Variants in ANGPT1 observed in about 807,000 individuals in gnomAD.
The protein encoded by ANGPT1 is angiopoietin-1.
A neutral mutation model predicts 62.2 loss-of-function variants in ANGPT1; 17 were observed. That is an observed-to-expected ratio of 0.27 (90% CI 0.19 to 0.41). The LOEUF (loss-of-function observed/expected upper bound fraction) is 0.41, where lower values mean the gene tolerates loss of function less well. Among genes scored for constraint, ANGPT1 ranks in the 10% least tolerant of loss-of-function variants. The pLI, the probability that ANGPT1 is intolerant of heterozygous loss-of-function variation, is 1.00. For synonymous variants in ANGPT1, 199 were observed against 198.9 expected (o/e 1.00, Z 0.00); for missense variants, 478 against 594.9 (o/e 0.80, Z 2.04).
In ANGPT1 at chr8:107,315,392, C is replaced by T. The variant is rs1468237888; in HGVS notation, c.808+6504G>A. On this transcript the variant is annotated intron_variant, in intron 4 of 8. Transcript: ENST00000517746. ...AAGTTGTTATCTGTCCTTTCACATTCAAGTTTCTTGAATGCAGGTATATAA... is the reference window on the plus strand; with the variant it reads ...AAGTTGTTATCTGTCCTTTCACATTTAAGTTTCTTGAATGCAGGTATATAA... 2.0e-5 allele frequency among the ~76,000 whole-genome samples: 3 copies of T among 152,074 alleles called. No individual in the cohort carries two copies. The East Asian group carries it at 5.8e-4, about 29-fold the overall frequency.
intron 8 of ANGPT1, among the ~76,000 whole-genome samples, chr8:107,257,009 A>G (rs1419131300): frequency 6.6e-6 from 1 of 152,078 alleles, no homozygotes; most frequent in Non-Finnish European, 1.5e-5. Flanking sequence ...GGCATCCGCT[A>G]CCACGCCTGG....
intron 1 of ANGPT1, among the ~76,000 whole-genome samples, chr8:107,446,199 G>A (rs755294118): frequency 2.0e-5 from 3 of 152,192 alleles, no homozygotes; most frequent in East Asian, 1.9e-4. Flanking sequence ...TTACAGGCAT[G>A]AGCCACCACG....
At chr8:107,384,964 G>A (rs1444855760) in intron 1 of ANGPT1, among the ~76,000 whole-genome samples, 1 of 152,002 alleles carries the variant, frequency 6.6e-6, no homozygotes, top group African/African-American at 2.4e-5. Flanking sequence ...TCTCTAACCT[G>A]TTTGATTGGT....
intron 3 of ANGPT1, among the ~76,000 whole-genome samples, chr8:107,323,110 G>A (rs1815194655): frequency 6.6e-6 from 1 of 152,148 alleles, no homozygotes; most frequent in Non-Finnish European, 1.5e-5. Flanking sequence ...ATCTTTAACT[G>A]AGGCCCTTCC....
At chr8:107,289,382 G>GCT (rs1814219729) in intron 6 of ANGPT1, among the ~76,000 whole-genome samples, 1 of 152,086 alleles carries the variant, frequency 6.6e-6, no homozygotes, top group South Asian at 2.1e-4. Context: ...GTCTGATAAT[G>GCT]CTCTCAGGAA....
At chr8:107,314,134 A>G (rs1007123000) in intron 4 of ANGPT1, among the ~76,000 whole-genome samples, 10 of 152,204 alleles carry the variant, frequency 6.6e-5, no homozygotes, top group Non-Finnish European at 1.3e-4. Flanking sequence ...TTGAAAGTCT[A>G]TTCAAACTAT....
intron 5 of ANGPT1, among the ~76,000 whole-genome samples, chr8:107,299,420 T>TATATATATATATA (rs1342219214): frequency 1.7e-5 from 2 of 120,430 alleles, no homozygotes; most frequent in Admixed American, 8.8e-5. Flanking sequence ...TATATATATA[T>TATATATATATATA]AAACATACAT....
chr8:107,373,351 T>G (rs1469277850), intron 1 of ANGPT1, among the ~76,000 whole-genome samples: 1 of 152,196 alleles, frequency 6.6e-6, no homozygotes, highest in Non-Finnish European at 1.5e-5. Context: ...CACTGTCTTT[T>G]TACCAATGGG....
intron 1 of ANGPT1, among the ~76,000 whole-genome samples, chr8:107,443,328 G>T (rs760268170): frequency 2.0e-4 from 30 of 152,062 alleles, no homozygotes; most frequent in Non-Finnish European, 4.0e-4. Context: ...GGAGGCCCAG[G>T]TTCCACTCCT....
chr8:107,383,557 G>T (rs759311165), intron 1 of ANGPT1, among the ~76,000 whole-genome samples: 2 of 151,972 alleles, frequency 1.3e-5, no homozygotes, highest in South Asian at 2.1e-4. Context: ...TAATTATACC[G>T]CCTGTCTAGG....
intron 1 of ANGPT1, among the ~76,000 whole-genome samples, chr8:107,489,640 A>C (rs747550463): frequency 1.3e-5 from 2 of 152,216 alleles, no homozygotes; most frequent in African/African-American, 4.8e-5. Flanking sequence ...GTATTCAGGT[A>C]TAGATCCTAC....
chr8:107,411,737 A>G (rs891207509), intron 1 of ANGPT1, among the ~76,000 whole-genome samples: 2 of 152,212 alleles, frequency 1.3e-5, no homozygotes, highest in African/African-American at 4.8e-5. Flanking sequence ...AATAGGAGAC[A>G]TATTGGCTCA....
rs142050677 is a variant in ANGPT1, at chr8:107,349,122, TTAGA to T, written c.298-2029_298-2026del. ...CTCAGACAGATGTTAGATAAGGAGA[TTAGA>T]TAGATAGATAGATAGATAGATAGAT... is the stretch of plus-strand genomic sequence containing the variant. On this transcript the variant is annotated intron_variant, in intron 1 of 8. Transcript: ENST00000517746. 4.7e-3 allele frequency among the ~76,000 whole-genome samples: 681 copies of T among 143,892 alleles called. 3 individuals carry two copies. Among genetic ancestry groups the T allele is most frequent in the East Asian group, 0.017 (80 of 4,770 alleles). 94.4% of individuals were successfully genotyped at this position (143,892 alleles called of 152,430 possible). A position where few individuals can be genotyped will look rare whatever the true frequency, so the allele number is the denominator to read the frequency against.
intron 1 of ANGPT1, among the ~76,000 whole-genome samples, chr8:107,483,607 G>A (rs1477421390): frequency 6.6e-6 from 1 of 151,112 alleles, no homozygotes; most frequent in Non-Finnish European, 1.5e-5. Context: ...ATGGCATAAG[G>A]TCTTTTAAGT....
chr8:107,298,816 G>A (rs1331655799), intron 5 of ANGPT1, among the ~76,000 whole-genome samples: 1 of 151,674 alleles, frequency 6.6e-6, no homozygotes, highest in Admixed American at 6.6e-5. Flanking sequence ...TTCGGTTTTT[G>A]TGTAGGTTGC....
intron 5 of ANGPT1, 161 bp from the exon 6 acceptor site, chr8:107,294,198 C>A (rs1814354734): frequency 2.1e-6 from 1 of 466,382 alleles, no homozygotes. Flanking sequence ...TTGGTTATTT[C>A]TTCCTCTGAT....
chr8:107,382,547 G>T (rs1158245503), intron 1 of ANGPT1, among the ~76,000 whole-genome samples: 1 of 147,238 alleles, frequency 6.8e-6, no homozygotes, highest in Non-Finnish European at 1.5e-5. Context: ...GAAAAAAAAA[G>T]TCCCTATTTA....
At chr8:107,299,030 G>A (rs1368760554) in intron 5 of ANGPT1, among the ~76,000 whole-genome samples, 1 of 151,562 alleles carries the variant, frequency 6.6e-6, no homozygotes, top group Non-Finnish European at 1.5e-5. Context: ...GGAAAAAACT[G>A]AGATTATAGG....
intron 1 of ANGPT1, among the ~76,000 whole-genome samples, chr8:107,474,324 A>T (rs990407062): frequency 1.3e-5 from 2 of 152,174 alleles, no homozygotes; most frequent in East Asian, 3.9e-4. Flanking sequence ...ACAGAACCAA[A>T]GACAAAAACC....
Sources: allele counts gnomAD v4.1 joint callset (sites outside exome capture counted in the v4.1 genomes callset), GRCh38; gene constraint gnomAD v4.1.1; transcripts MANE v1.5; gene names NCBI Gene and HGNC (gene_info 2026-07-23, HGNC 2026-07-21).